ABTB2: variants seen among roughly 807,000 people sequenced by gnomAD.
ABTB2 encodes the protein ankyrin repeat and BTB domain containing 2.
ABTB2 carries 56 observed loss-of-function variants against 104.1 expected under a neutral mutation model. The ratio of observed to expected loss-of-function variants is 0.54; its 90% CI spans 0.43 to 0.67. ABTB2 has a LOEUF of 0.67. Ranked by LOEUF, ABTB2 falls within the 30% of genes least tolerant of loss-of-function variation. The pLI is 0.00. For missense variants in ABTB2, 1,279 were observed against 1,407.7 expected (o/e 0.91, Z 1.46); for synonymous variants, 606 against 608.2 (o/e 1.00, Z 0.05).
intron 1 of ABTB2, among the ~76,000 whole-genome samples, chr11:34,355,815 A>G (rs905842557): frequency 6.6e-6 from 1 of 152,178 alleles, no homozygotes; most frequent in African/African-American, 2.4e-5. Flanking sequence ...GTCAGGGAAA[A>G]GGTCATGTGC....
chr11:34,209,455 C>T (rs1267612367), intron 1 of ABTB2, among the ~76,000 whole-genome samples: 2 of 143,812 alleles, frequency 1.4e-5, no homozygotes, highest in Non-Finnish European at 3.0e-5. Flanking sequence ...TTTCCCAGCA[C>T]CTCCCAAGAT....
chr11:34,346,250 T>C (rs1376572372), intron 1 of ABTB2, among the ~76,000 whole-genome samples: 2 of 151,670 alleles, frequency 1.3e-5, no homozygotes, highest in South Asian at 2.1e-4. Context: ...CCACATCGTA[T>C]AAAGAAGGGT....
At chr11:34,287,273 A>C (rs1854516781) in intron 1 of ABTB2, among the ~76,000 whole-genome samples, 1 of 152,102 alleles carries the variant, frequency 6.6e-6, no homozygotes, top group South Asian at 2.1e-4. Flanking sequence ...TATACACAGC[A>C]AAAGAAGAGA....
chr11:34,334,768 GTT>G (rs34761456), intron 1 of ABTB2, among the ~76,000 whole-genome samples: 50,529 of 145,736 alleles, frequency 0.35, 9,508 homozygotes, highest in African/African-American at 0.52. Flanking sequence ...TAATATTTGG[GTT>G]TTTTTTTTTT....
At chr11:34,284,483 T>A (rs779179725) in intron 1 of ABTB2, among the ~76,000 whole-genome samples, 58 of 152,192 alleles carry the variant, frequency 3.8e-4, no homozygotes, top group Non-Finnish European at 6.8e-4. Context: ...GCACCAAAGC[T>A]TCTATTCAGA....
chr11:34,290,631 C>A (rs1397253114), intron 1 of ABTB2, among the ~76,000 whole-genome samples: 4 of 151,834 alleles, frequency 2.6e-5, no homozygotes, highest in African/African-American at 9.7e-5. Context: ...TGCCTGAGGC[C>A]AGGAGTTCAA....
chr11:34,168,704 C>T lies in ABTB2; in HGVS notation c.1564-712G>A, dbSNP rs566200425. 3.9e-4 allele frequency among the ~76,000 whole-genome samples: 60 copies of T among 152,358 alleles called. No individual in the cohort carries two copies. The South Asian group carries it at 0.012, about 29-fold the overall frequency. The stretch of plus-strand genomic sequence containing the variant: ...GAAGCCCAAGCTTTGCGCCGTCCCA[C>T]GAGACGGTAGAGGAGGCATTTGACT... On this transcript the variant is annotated intron_variant, in intron 5 of 16. Coordinates refer to ENST00000435224, the MANE Select transcript of ABTB2 (RefSeq NM_145804.3).
intron 1 of ABTB2, among the ~76,000 whole-genome samples, chr11:34,205,171 G>A (rs1853394556): frequency 6.6e-6 from 1 of 152,194 alleles, no homozygotes. Flanking sequence ...CTCAGGGATG[G>A]CTGAGTCAGA....
intron 5 of ABTB2, among the ~76,000 whole-genome samples, chr11:34,168,642 T>A (rs73505491): frequency 0.012 from 1,815 of 152,134 alleles, 12 homozygotes; most frequent in Middle Eastern, 0.024. Context: ...TAGCGAGAGG[T>A]TGAACTCGGG....
intron 1 of ABTB2, among the ~76,000 whole-genome samples, chr11:34,274,558 T>TACACACACACAC (rs558468578): frequency 1.8e-5 from 1 of 56,296 alleles, no homozygotes; most frequent in African/African-American, 8.7e-5. Context: ...TGGATTGGAA[T>TACACACACACAC]ATACACACAC....
chr11:34,349,582 T>A (rs182236208), intron 1 of ABTB2, among the ~76,000 whole-genome samples: 1 of 152,228 alleles, frequency 6.6e-6, no homozygotes, highest in Non-Finnish European at 1.5e-5. Flanking sequence ...GAATATCTTA[T>A]GTGTCAGGCA....
In ABTB2 at chr11:34,165,309, G is replaced by A. The variant is rs370871401; in HGVS notation, c.1803C>T (p.Gly601=). Residue 601 remains glycine, a synonymous_variant, in exon 8 of 17, where the codon GGC becomes GGT. Transcript: ENST00000435224. ...GCGTCTCCGCATAGCTGTCCTCGCC[G>A]CCGTTCACTGCCGAGCCCTCGACAT... The part of the protein sequence containing the change: ...GAHVEGSAVN[G]GEDSYAETPL... 18 of 1,579,284 alleles carry A rather than the reference G, an allele frequency of 1.1e-5. No homozygotes were observed. The African/African-American group carries it at 1.5e-4, about 13-fold the overall frequency.
At chr11:34,261,964 G>T (rs1030054257) in intron 1 of ABTB2, among the ~76,000 whole-genome samples, 2 of 152,156 alleles carry the variant, frequency 1.3e-5, no homozygotes, top group African/African-American at 4.8e-5. Flanking sequence ...GGCAGGGTGG[G>T]GTGCTGGTTT....
intron 3 of ABTB2, among the ~76,000 whole-genome samples, chr11:34,183,053 G>A (rs1853049372): frequency 6.6e-6 from 1 of 152,164 alleles, no homozygotes. Flanking sequence ...CCATCTTAGG[G>A]ATGATGATAT....
rs150041909 is a variant in ABTB2, at chr11:34,267,957, G to A, written c.884-63267C>T. 7.0e-3 allele frequency among the ~76,000 whole-genome samples: 1,070 copies of A among 152,182 alleles called. 11 individuals are homozygous for A. The highest frequency in any genetic ancestry group is 0.025 in the African/African-American group (1,032 of 41,526). ...TTTTAAGATTTCTTTTTTAGACAGG[G>A]TCTGGCTCTGTTGCCCAGGCTGGAG... On this transcript the variant is annotated intron_variant, in intron 1 of 16. Coordinates refer to ENST00000435224, the MANE Select transcript of ABTB2 (RefSeq NM_145804.3).
intron 4 of ABTB2, among the ~76,000 whole-genome samples, chr11:34,171,609 G>T (rs1590206111): frequency 6.6e-6 from 1 of 152,120 alleles, no homozygotes; most frequent in African/African-American, 2.4e-5. Flanking sequence ...GTAAGTAAGT[G>T]TTCTGAGCCC....
At chr11:34,277,799 CTTTTTTTTTTTT>C (rs1163442976) in intron 1 of ABTB2, among the ~76,000 whole-genome samples, 78 of 120,724 alleles carry the variant, frequency 6.5e-4, no homozygotes, top group Non-Finnish European at 1.1e-3. Flanking sequence ...AACAGATTCT[CTTTTTTTTTTTT>C]TTTTTTTTTT....
intron 2 of ABTB2, among the ~76,000 whole-genome samples, chr11:34,199,654 G>A (rs184536725): frequency 3.7e-4 from 57 of 152,146 alleles, no homozygotes; most frequent in Non-Finnish European, 2.9e-5. Context: ...AGGCTCCCCC[G>A]GAGGTCAGCT....
chr11:34,277,182 G>A (rs758329018), intron 1 of ABTB2, among the ~76,000 whole-genome samples: 36 of 152,292 alleles, frequency 2.4e-4, no homozygotes, highest in Middle Eastern at 3.4e-3. Context: ...GATTACAGGC[G>A]TAAGCCACCG....
Sources: allele counts gnomAD v4.1 joint callset (sites outside exome capture counted in the v4.1 genomes callset), GRCh38; gene constraint gnomAD v4.1.1; transcripts MANE v1.5; gene names NCBI Gene and HGNC (gene_info 2026-07-23, HGNC 2026-07-21).